The following GTF3C3 variants were observed in gnomAD, a reference collection of about 807,000 sequenced individuals.
GTF3C3 encodes general transcription factor IIIC subunit 3, also known as general transcription factor 3C polypeptide 3.
GTF3C3 carries 75 observed loss-of-function variants against 105.2 expected under a neutral mutation model. The observed-to-expected ratio is 0.71, with a 90% confidence interval of 0.59 to 0.86. The LOEUF is 0.86. GTF3C3 is among the 40% of genes least tolerant of loss of function. The pLI is 0.00. For missense variants in GTF3C3, 856 were observed against 1,076.5 expected, an observed-to-expected ratio of 0.80 and a Z score of 2.87; for synonymous variants, 335 against 370.4, an observed-to-expected ratio of 0.90 and a Z score of 1.10.
chr2:196,766,241 T>C (rs538269981), intron 17 of GTF3C3, among the ~76,000 whole-genome samples: 12 of 152,252 alleles, frequency 7.9e-5, no homozygotes, highest in Non-Finnish European at 1.3e-4. Context: ...TAAAGAAACA[T>C]GTGAATTACA....
intron 8 of GTF3C3, among the ~76,000 whole-genome samples, chr2:196,784,543 CA>C (rs1699420116): frequency 6.6e-6 from 1 of 152,010 alleles, no homozygotes; most frequent in Admixed American, 6.6e-5. Flanking sequence ...TAAATTGCTT[CA>C]GTGCTAAAAG....
At position 196,765,457 on chromosome 2, in the gene GTF3C3, T is replaced by C. The variant is rs150184960; in HGVS notation, c.2539-772A>G. On this transcript the variant is annotated intron_variant, in intron 17 of 17. Transcript: ENST00000263956. ...TATTTGAAAACTGCCTCCAGTAATATTGACAGGACTATAGTATTAAATGCA... is the reference window on the plus strand; with the variant it reads ...TATTTGAAAACTGCCTCCAGTAATACTGACAGGACTATAGTATTAAATGCA... 1.1e-3 allele frequency among the ~76,000 whole-genome samples: 168 copies of C among 151,918 alleles called. No homozygotes were observed. The East Asian group carries it at 0.019, about 17-fold the overall frequency.
chr2:196,768,165 A>C (rs28594128), intron 16 of GTF3C3, among the ~76,000 whole-genome samples: 67 of 152,124 alleles, frequency 4.4e-4, no homozygotes, highest in Middle Eastern at 3.4e-3. Flanking sequence ...TTACAGGCAC[A>C]CGCCACCACA....
chr2:196,780,343 GT>G, intron 9 of GTF3C3: 1 of 1,172,844 alleles, frequency 8.5e-7, no homozygotes, highest in Non-Finnish European at 1.1e-6. Context: ...TCTTTAGATT[GT>G]TATTTTAAAA....
chr2:196,796,111 C>T (rs772911950), intron 2 of GTF3C3, among the ~76,000 whole-genome samples: 147 of 152,340 alleles, frequency 9.6e-4, no homozygotes, highest in Non-Finnish European at 1.9e-3. Flanking sequence ...TTTCAATTAG[C>T]TGACTGCCAA....
chr2:196,799,263 A>C, intron 1 of GTF3C3: 1 of 444,930 alleles, frequency 2.2e-6, no homozygotes, highest in East Asian at 4.0e-5. Flanking sequence ...CCCTGAAATA[A>C]AAACGTAGTA....
chr2:196,772,950 C>A lies in GTF3C3; in HGVS notation c.2035G>T (p.Asp679Tyr). ...TTGTATGCCTTTCTGAAATTTTTGTCCAGAATTGCAGCAGACAGACCAAAG... is the reference window on the plus strand; with the variant it reads ...TTGTATGCCTTTCTGAAATTTTTGTACAGAATTGCAGCAGACAGACCAAAG... The part of the protein sequence containing the change: ...EYFGLSAAIL[D>Y]KNFRKAYNYI... Residue 679 changes from aspartate (D) to tyrosine (Y), a missense_variant, in exon 14 of 18, where the codon GAC becomes TAC. Physicochemically the swap from Asp to Tyr is radical, Grantham distance 160. Transcript: ENST00000263956. The A allele has an allele frequency of 1.3e-6, 2 of 1,583,698 alleles. No homozygotes were observed. The highest frequency in any genetic ancestry group is 1.2e-5 in the South Asian group (1 of 85,240).
Position 196,793,696 on chromosome 2 carries a change from A to G in GTF3C3, c.215-544T>C, listed in dbSNP as rs147576078. Among the ~76,000 whole-genome samples, 630 of 152,288 alleles carry G rather than the reference A, an allele frequency of 4.1e-3. 4 individuals carry two copies. The highest frequency in any genetic ancestry group is 0.014 in the African/African-American group (589 of 41,566). Reference sequence around the variant, plus strand: ...AAAATGAGTGTGAGTGTGTGTGTGTATATATACACTTAGAATGCCTAGCAT... The same window carrying G: ...AAAATGAGTGTGAGTGTGTGTGTGTGTATATACACTTAGAATGCCTAGCAT... On this transcript the variant is annotated intron_variant, in intron 2 of 17. Transcript: ENST00000263956.
chr2:196,774,458 C>CT (rs1324651021), intron 13 of GTF3C3, among the ~76,000 whole-genome samples: 1 of 152,138 alleles, frequency 6.6e-6, no homozygotes, highest in Admixed American at 6.5e-5. Flanking sequence ...CATAAAAAGG[C>CT]TTAGTTCATC....
chr2:196,776,373 A>G lies in GTF3C3; in HGVS notation c.1593+54T>C. ...TAGAGACATCCTTAATGGAGGAGAAAGTTCTAAAATATAATATACCAAGAA... is the reference window on the plus strand; with the variant it reads ...TAGAGACATCCTTAATGGAGGAGAAGGTTCTAAAATATAATATACCAAGAA... On this transcript the variant is annotated intron_variant, in intron 11 of 17. Transcript: ENST00000263956. This position sits in a 1 kb window ranked among gnomAD's most constrained non-coding sequence, Gnocchi z 4.5. 1.4e-6 allele frequency: 2 copies of G among 1,418,560 alleles called. No individual in the cohort carries two copies. The highest frequency in any genetic ancestry group is 2.4e-5 in the South Asian group (2 of 82,442). 87.9% of individuals were successfully genotyped at this position (1,418,560 alleles called of 1,614,324 possible).
In GTF3C3 at chr2:196,786,890, G is replaced by A. The variant is rs189210726; in HGVS notation, c.894-1302C>T. On this transcript the variant is annotated intron_variant, in intron 6 of 17. Coordinates refer to ENST00000263956, the MANE Select transcript of GTF3C3 (RefSeq NM_012086.5). The surrounding 1 kb of genome is among the most constrained non-coding windows in gnomAD (Gnocchi z 4.2). ...TGTCAATTCTCAGTGCTCATTTTAC[G>A]TGATCTATCTGCAATATCTCACACA... Among the ~76,000 whole-genome samples, 2 of 151,894 alleles carry A rather than the reference G, an allele frequency of 1.3e-5. No homozygotes were observed. Among genetic ancestry groups the A allele is most frequent in the East Asian group, 1.9e-4 (1 of 5,172 alleles).
At chr2:196,789,168 AC>A (rs1217061290) in intron 6 of GTF3C3, 35 bp downstream of exon 6, 8 of 1,517,890 alleles carry the variant, frequency 5.3e-6, no homozygotes, top group Non-Finnish European at 7.1e-6. Flanking sequence ...AACAAGATTA[AC>A]AGGAGCAAGT....
chr2:196,785,330 C>G, intron 7 of GTF3C3, 111 bp downstream of exon 7: 1 of 725,520 alleles, frequency 1.4e-6, no homozygotes, highest in Non-Finnish European at 2.2e-6. Context: ...TCCATATAGA[C>G]TTTAAATATA....
intron 8 of GTF3C3, 82 bp downstream of exon 8, chr2:196,784,775 T>C: frequency 6.8e-7 from 1 of 1,474,990 alleles, no homozygotes; most frequent in African/African-American, 1.4e-5. Flanking sequence ...CACCACAGTA[T>C]GAAATAAATT....
rs1187523679 is a variant in GTF3C3 at position 196,764,508 on chromosome 2, A to AAGAC, written c.*51_*54dup. The AAGAC allele has an allele frequency of 9.9e-6, 15 of 1,510,462 alleles. 1 individual carries two copies. The highest frequency in any genetic ancestry group is 8.0e-5 in the South Asian group (6 of 75,162). 93.6% of individuals were successfully genotyped at this position (1,510,462 alleles called of 1,614,324 possible). ...TTACAAATAATAAGCCCTGAGACAG[A>AAGAC]AGACACTGGTCCTCACACAGCAGCT... is the stretch of plus-strand genomic sequence containing the variant. On this transcript the variant is annotated 3_prime_UTR_variant, in exon 18 of 18. Coordinates refer to ENST00000263956, the MANE Select transcript of GTF3C3 (RefSeq NM_012086.5).
chr2:196,795,902 C>G (rs1024471608), intron 2 of GTF3C3, among the ~76,000 whole-genome samples: 2 of 152,148 alleles, frequency 1.3e-5, no homozygotes, highest in African/African-American at 4.8e-5. Flanking sequence ...AATCTACATA[C>G]AAACTATAAG....
At chr2:196,781,357 A>AAAAAATATATATAT in intron 8 of GTF3C3, among the ~76,000 whole-genome samples, 1 of 18,814 alleles carries the variant, frequency 5.3e-5, no homozygotes, top group African/African-American at 1.0e-4. Flanking sequence ...AAAAAAAAAA[A>AAAAAATATATATAT]ATATATATAT....
chr2:196,763,605 T>C lies in GTF3C3; in HGVS notation c.*958A>G, dbSNP rs1465127289. 1 of 152,220 alleles carries C rather than the reference T, an allele frequency of 6.6e-6. No homozygotes were observed. Among genetic ancestry groups the C allele is most frequent in the African/African-American group, 2.4e-5 (1 of 41,472 alleles). The allele number at this position is 152,220 out of a possible 1,614,324, so 9.4% of individuals were successfully genotyped here. A position where few individuals can be genotyped will look rare whatever the true frequency, so the allele number is the denominator to read the frequency against. On this transcript the variant is annotated 3_prime_UTR_variant, in exon 18 of 18. Coordinates refer to ENST00000263956, the MANE Select transcript of GTF3C3 (RefSeq NM_012086.5). ...TCTAATAAGTCCCAATTTTATTTCTTTGATCCTAAGCCTCTACTTGTTTCC... is the reference window on the plus strand; with the variant it reads ...TCTAATAAGTCCCAATTTTATTTCTCTGATCCTAAGCCTCTACTTGTTTCC...
intron 8 of GTF3C3, among the ~76,000 whole-genome samples, chr2:196,782,122 G>A (rs1396342004): frequency 6.6e-6 from 1 of 152,180 alleles, no homozygotes; most frequent in African/African-American, 2.4e-5. Context: ...TTATTAAGAG[G>A]TGGGTCTTGG....
Sources: allele counts gnomAD v4.1 joint callset (sites outside exome capture counted in the v4.1 genomes callset), GRCh38; gene constraint gnomAD v4.1.1; non-coding constraint Gnocchi (gnomAD v3.1); transcripts MANE v1.5; gene names NCBI Gene and HGNC (gene_info 2026-07-23, HGNC 2026-07-21).